Variants in PTPRD observed in about 807,000 individuals in gnomAD.
PTPRD encodes receptor-type tyrosine-protein phosphatase delta.
Under a neutral mutation model 214.5 loss-of-function variants are expected in PTPRD, and 34 were observed. The observed-to-expected ratio is 0.16, with a 90% CI of 0.12 to 0.21. PTPRD has a LOEUF of 0.21. Ranked by LOEUF, PTPRD falls within the 10% of genes least tolerant of loss-of-function variation. The pLI is 1.00. For synonymous variants in PTPRD, 1,128 were observed against 845.7 expected, an observed-to-expected ratio of 1.33 and a Z score of -5.79; for missense variants, 2,545 against 2,398.7, an observed-to-expected ratio of 1.06 and a Z score of -1.27.
intron 9 of PTPRD, among the ~76,000 whole-genome samples, chr9:9,387,251 A>C (rs944116408): frequency 1.3e-5 from 2 of 152,196 alleles, no homozygotes; most frequent in African/African-American, 2.4e-5. Context: ...TTCCTGGCAA[A>C]GACTATTTTA....
chr9:9,726,732 T>C (rs1023121214), intron 7 of PTPRD, among the ~76,000 whole-genome samples: 8 of 152,286 alleles, frequency 5.3e-5, no homozygotes, highest in African/African-American at 1.9e-4. Flanking sequence ...AAGGCTTACA[T>C]CTTTCTTTGA....
At position 9,814,237 on chromosome 9, in the gene PTPRD, A is replaced by G. The variant is rs569274103; in HGVS notation, c.-367-47386T>C. Among the ~76,000 whole-genome samples, 3 of 152,146 alleles carry G rather than the reference A, an allele frequency of 2.0e-5. No homozygotes were observed. The East Asian group carries it at 5.8e-4, about 29-fold the overall frequency. On this transcript the variant is annotated intron_variant, in intron 5 of 45. Transcript: ENST00000381196. ...AGGTTTTCTTTTAAGATCGGGACCAAGACAAATGTGTCTCTCTTACCACTT... is the reference window on the plus strand; with the variant it reads ...AGGTTTTCTTTTAAGATCGGGACCAGGACAAATGTGTCTCTCTTACCACTT...
In PTPRD at chr9:8,633,438, C is replaced by T. The variant is rs145907213; in HGVS notation, c.231G>A (p.Gly77=). 6.2e-7 allele frequency: 1 copy of T among 1,612,386 alleles called. No homozygotes were observed. Among genetic ancestry groups the T allele is most frequent in the Admixed American group, 1.7e-5 (1 of 59,852 alleles). Residue 77 remains glycine (G), a synonymous_variant, in exon 14 of 46, where the codon GGG becomes GGA. Coordinates refer to ENST00000381196, the MANE Select transcript of PTPRD (RefSeq NM_002839.4). ...GTTGTATTCTGAGAACTGATCCAGA[C>T]CCATCGTCAAACTCTATTACCTATT... is the stretch of plus-strand genomic sequence containing the variant. ...QRFEVIEFDD[G]SGSVLRIQPL...
intron 21 of PTPRD, among the ~76,000 whole-genome samples, chr9:8,513,275 A>C (rs72694761): frequency 2.6e-5 from 4 of 151,984 alleles, no homozygotes; most frequent in Non-Finnish European, 5.9e-5. Context: ...CTCTGACTGT[A>C]AAACAGACAG....
At chr9:10,556,671 C>T (rs1327309901) in intron 2 of PTPRD, among the ~76,000 whole-genome samples, 15 of 151,996 alleles carry the variant, frequency 9.9e-5, no homozygotes, top group Non-Finnish European at 1.5e-5. Flanking sequence ...ATTATTTTTA[C>T]AAGATCTTGA....
At chr9:9,157,817 T>G (rs1325184356) in intron 10 of PTPRD, among the ~76,000 whole-genome samples, 1 of 152,198 alleles carries the variant, frequency 6.6e-6, no homozygotes, top group Non-Finnish European at 1.5e-5. Context: ...GATCATCCCA[T>G]TACCCAGGTA....
chr9:8,924,714 G>T (rs530742129), intron 11 of PTPRD, among the ~76,000 whole-genome samples: 15 of 151,984 alleles, frequency 9.9e-5, no homozygotes, highest in Non-Finnish European at 1.9e-4. Flanking sequence ...ACTCTGCAGC[G>T]CTGTCTCATC....
chr9:9,747,768 G>T (rs2098473288), intron 6 of PTPRD, among the ~76,000 whole-genome samples: 1 of 152,012 alleles, frequency 6.6e-6, no homozygotes, highest in Non-Finnish European at 1.5e-5. Flanking sequence ...GGCCGGGCTG[G>T]TCTCAAACTA....
At chr9:9,010,406 G>C (rs2099505489) in intron 11 of PTPRD, among the ~76,000 whole-genome samples, 1 of 152,136 alleles carries the variant, frequency 6.6e-6, no homozygotes, top group African/African-American at 2.4e-5. Flanking sequence ...CTCTGTGTCT[G>C]GTGAGTTCAA....
chr9:8,636,546 C>G (rs976151614), intron 13 of PTPRD, among the ~76,000 whole-genome samples, 153 bp downstream of exon 13: 1 of 152,070 alleles, frequency 6.6e-6, no homozygotes, highest in Admixed American at 6.6e-5. Context: ...TTTTAAAAAG[C>G]CATTTAGAGT....
intron 11 of PTPRD, among the ~76,000 whole-genome samples, chr9:8,997,372 G>C (rs1437747951): frequency 6.6e-6 from 1 of 151,892 alleles, no homozygotes; most frequent in East Asian, 1.9e-4. Context: ...GTCACATTTA[G>C]GTAATTTTCA....
rs181347514 is a variant in PTPRD, at chr9:8,335,439, A to G, written c.5379+3483T>C. On this transcript the variant is annotated intron_variant, in intron 43 of 45. Transcript: ENST00000381196. The stretch of plus-strand genomic sequence containing the variant: ...CAGAAAAGGCCTTTGGCAAAATTCA[A>G]CACCACTTTGTGCTAACAACTCTCA... 1.4e-4 allele frequency among the ~76,000 whole-genome samples: 22 copies of G among 152,084 alleles called. No individual in the cohort carries two copies. The East Asian group carries it at 3.7e-3, about 25-fold the overall frequency.
At chr9:9,732,913 A>C (rs1404840578) in intron 7 of PTPRD, among the ~76,000 whole-genome samples, 4 of 29,826 alleles carry the variant, frequency 1.3e-4, no homozygotes, top group East Asian at 9.9e-4. Context: ...CCTTGTTTCC[A>C]AAAAAAAAAA....
chr9:9,837,567 T>G (rs920337385), intron 5 of PTPRD, among the ~76,000 whole-genome samples: 13 of 152,080 alleles, frequency 8.5e-5, no homozygotes, highest in African/African-American at 3.1e-4. Flanking sequence ...GTCTTTGATT[T>G]GCTTTTGACT....
At chr9:9,311,312 T>C (rs1958932456) in intron 9 of PTPRD, among the ~76,000 whole-genome samples, 2 of 152,270 alleles carry the variant, frequency 1.3e-5, no homozygotes, top group Non-Finnish European at 1.5e-5. Context: ...TATTATGTTG[T>C]CATATAATAA....
At chr9:9,968,773 C>G (rs2890896) in intron 4 of PTPRD, among the ~76,000 whole-genome samples, 98,626 of 152,054 alleles carry the variant, frequency 0.65, 34,353 homozygotes, top group East Asian at 0.92. Flanking sequence ...ATTAGCACAA[C>G]GCCGTTAATC....
intron 3 of PTPRD, among the ~76,000 whole-genome samples, chr9:10,339,204 C>A (rs2096896218): frequency 6.6e-6 from 1 of 151,684 alleles, no homozygotes; most frequent in Non-Finnish European, 1.5e-5. Context: ...AACATTAGGG[C>A]AGAAAATTTT....
chr9:9,453,219 C>A (rs778974223), intron 8 of PTPRD, among the ~76,000 whole-genome samples: 11 of 151,446 alleles, frequency 7.3e-5, no homozygotes, highest in Non-Finnish European at 1.5e-4. Flanking sequence ...GGTAATTAAA[C>A]ATCTTTACAA....
intron 43 of PTPRD, among the ~76,000 whole-genome samples, chr9:8,332,321 A>C (rs774404060): frequency 9.9e-5 from 15 of 152,146 alleles, no homozygotes; most frequent in Non-Finnish European, 1.9e-4. Context: ...GTTGCTGTTA[A>C]CCTGGATGCC....
Sources: allele counts gnomAD v4.1 joint callset (sites outside exome capture counted in the v4.1 genomes callset), GRCh38; gene constraint gnomAD v4.1.1; transcripts MANE v1.5; gene names NCBI Gene and HGNC (gene_info 2026-07-23, HGNC 2026-07-21).